Variants in ZFHX3 observed in about 807,000 individuals in gnomAD.
ZFHX3 encodes zinc finger homeobox protein 3.
A neutral mutation model predicts 279.1 loss-of-function variants in ZFHX3; 42 were observed. That is an observed-to-expected ratio of 0.15 (90% confidence interval 0.12 to 0.19). ZFHX3 has a LOEUF of 0.19. Among genes scored for constraint, ZFHX3 ranks in the 10% least tolerant of loss-of-function variants. The pLI is 1.00. For synonymous variants in ZFHX3, 2,293 were observed against 1,957.8 expected (o/e 1.17, Z -4.52); for missense variants, 4,981 against 4,754.0 (o/e 1.05, Z -1.40).
intron 2 of ZFHX3, among the ~76,000 whole-genome samples, chr16:73,583,115 G>A (rs902412041): frequency 1.3e-5 from 2 of 152,164 alleles, no homozygotes; most frequent in African/African-American, 4.8e-5. Flanking sequence ...ACATGGCCTT[G>A]GAAAATACTT....
At chr16:73,579,826 T>C (rs1439715650) in intron 2 of ZFHX3, among the ~76,000 whole-genome samples, 2 of 142,144 alleles carry the variant, frequency 1.4e-5, no homozygotes, top group Non-Finnish European at 1.5e-5. Flanking sequence ...TCAAATACTT[T>C]TGGGTTCACA....
chr16:73,837,443 T>A (rs553626057), intron 1 of ZFHX3, among the ~76,000 whole-genome samples: 1 of 152,338 alleles, frequency 6.6e-6, no homozygotes, highest in Admixed American at 6.5e-5. Context: ...AGACAAAAAG[T>A]GTTGTGGTAA....
At chr16:73,781,493 T>A (rs1048629928) in intron 1 of ZFHX3, among the ~76,000 whole-genome samples, 2 of 152,180 alleles carry the variant, frequency 1.3e-5, no homozygotes, top group Admixed American at 1.3e-4. Flanking sequence ...GCCACACTCA[T>A]CATTTGCATA....
At chr16:73,340,036 C>T (rs1400952882) in intron 3 of ZFHX3, among the ~76,000 whole-genome samples, 1 of 152,132 alleles carries the variant, frequency 6.6e-6, no homozygotes, top group Non-Finnish European at 1.5e-5. Flanking sequence ...GCTCCTAGCA[C>T]CTGACAGCTC....
rs2014522221 is a variant in ZFHX3, at chr16:73,283,920, G to T, written c.-1193-26784C>A. ...GATATGATCGTACCACTGCACTCCA[G>T]CCTGGGAAACAGAGTGAGACCCTGT... On this transcript the variant is annotated intron_variant, in intron 4 of 17. Transcript: ENST00000641206. Among the ~76,000 whole-genome samples the T allele has an allele frequency of 2.0e-5, 3 of 152,118 alleles. No individual in the cohort carries two copies. In the South Asian group the frequency reaches 6.2e-4, roughly 32 times the overall value.
chr16:72,947,627 C>T (rs750968183), intron 3 of ZFHX3, among the ~76,000 whole-genome samples: 1 of 152,080 alleles, frequency 6.6e-6, no homozygotes, highest in Non-Finnish European at 1.5e-5. Flanking sequence ...ACATCACTGC[C>T]ACTTCACTAG....
intron 2 of ZFHX3, among the ~76,000 whole-genome samples, chr16:73,571,919 C>T (rs1030747531): frequency 1.3e-5 from 2 of 151,886 alleles, no homozygotes; most frequent in Non-Finnish European, 2.9e-5. Flanking sequence ...TATATAAGAT[C>T]ACCCATATAG....
intron 5 of ZFHX3, among the ~76,000 whole-genome samples, chr16:73,246,009 A>G (rs2013269983): frequency 6.6e-6 from 1 of 152,092 alleles, no homozygotes. Flanking sequence ...ATTCCACAGG[A>G]CAGAGGCCAT....
At chr16:73,250,848 A>G (rs2013465280) in intron 5 of ZFHX3, among the ~76,000 whole-genome samples, 1 of 152,116 alleles carries the variant, frequency 6.6e-6, no homozygotes, top group Non-Finnish European at 1.5e-5. Flanking sequence ...AGCTACCCTC[A>G]TTTTAATATG....
intron 6 of ZFHX3, among the ~76,000 whole-genome samples, chr16:73,131,921 G>A (rs1034868800): frequency 1.3e-5 from 2 of 152,164 alleles, no homozygotes; most frequent in African/African-American, 4.8e-5. Flanking sequence ...ATGTTTAACT[G>A]CTCGGTTAAC....
intron 1 of ZFHX3, among the ~76,000 whole-genome samples, chr16:73,793,276 A>T (rs1417892158): frequency 6.6e-6 from 1 of 152,230 alleles, no homozygotes; most frequent in East Asian, 1.9e-4. Context: ...TGTAGGAAAA[A>T]AATTTCTCTG....
At chr16:73,797,791 A>G (rs926442445) in intron 1 of ZFHX3, among the ~76,000 whole-genome samples, 6 of 149,370 alleles carry the variant, frequency 4.0e-5, no homozygotes, top group African/African-American at 1.5e-4. Flanking sequence ...TATGTATAGG[A>G]CAAGCCTTCT....
At chr16:73,095,825 A>G (rs1218422722) in intron 7 of ZFHX3, among the ~76,000 whole-genome samples, 1 of 152,230 alleles carries the variant, frequency 6.6e-6, no homozygotes, top group South Asian at 2.1e-4. Flanking sequence ...ATTTGAAAGA[A>G]GGCGGTGGGT....
At chr16:73,342,146 A>G (rs1421411624) in intron 3 of ZFHX3, among the ~76,000 whole-genome samples, 2 of 152,220 alleles carry the variant, frequency 1.3e-5, no homozygotes, top group African/African-American at 4.8e-5. Flanking sequence ...ACTCATAAAT[A>G]TTAGAAAGCT....
chr16:73,638,695 A>T lies in ZFHX3; in HGVS notation c.-1547+41485T>A, dbSNP rs78517180. Among the ~76,000 whole-genome samples, 33 of 152,264 alleles carry T rather than the reference A, an allele frequency of 2.2e-4. No individual in the cohort carries two copies. The East Asian group carries it at 6.4e-3, about 29-fold the overall frequency. On this transcript the variant is annotated intron_variant, in intron 2 of 17. Coordinates refer to the ZFHX3 transcript ENST00000641206. ...AAGTGTCTGTGTTTCTCTTTGACTG[A>T]TTGCTCTTTGAGAGCAGGGTCAAGC...
chr16:73,831,200 A>C (rs924365739), intron 1 of ZFHX3, among the ~76,000 whole-genome samples: 1 of 152,314 alleles, frequency 6.6e-6, no homozygotes, highest in Middle Eastern at 3.4e-3. Context: ...TCTCAAGGCT[A>C]AAGGGATTTG....
chr16:73,301,655 T>A (rs2015058243), intron 4 of ZFHX3, among the ~76,000 whole-genome samples: 1 of 152,124 alleles, frequency 6.6e-6, no homozygotes, highest in Non-Finnish European at 1.5e-5. Flanking sequence ...AAGGTCCCGA[T>A]ACCAAGAAAG....
At chr16:73,887,551 C>A (rs1265545759) in intron 1 of ZFHX3, among the ~76,000 whole-genome samples, 1 of 151,896 alleles carries the variant, frequency 6.6e-6, no homozygotes, top group Non-Finnish European at 1.5e-5. Context: ...GTGAACTACA[C>A]CACGGCAACA....
chr16:73,669,878 C>A (rs1390744681), intron 2 of ZFHX3, among the ~76,000 whole-genome samples: 5 of 152,132 alleles, frequency 3.3e-5, no homozygotes, highest in Non-Finnish European at 7.4e-5. Flanking sequence ...CCTTTTATAC[C>A]TTTATTTAAA....
Sources: gnomAD v4.1 joint callset for allele counts (sites outside exome capture counted in the v4.1 genomes callset) on GRCh38, gnomAD v4.1.1 for gene constraint, MANE v1.5 for transcripts, NCBI Gene and HGNC (gene_info 2026-07-23, HGNC 2026-07-21) for gene names.